ANO10: variants seen among roughly 807,000 people sequenced by gnomAD.
ANO10 encodes anoctamin 10.
Under a neutral mutation model 74.7 loss-of-function variants are expected in ANO10, and 77 were observed. The ratio of observed to expected loss-of-function variants is 1.03; its 90% CI spans 0.86 to 1.25. ANO10 has a LOEUF of 1.25. ANO10 is among the 50% of genes most tolerant of loss of function. ANO10 has a pLI of 0.00. For synonymous variants in ANO10, 279 were observed against 284.9 expected, an observed-to-expected ratio of 0.98 and a Z score of 0.21; for missense variants, 721 against 778.1, an observed-to-expected ratio of 0.93 and a Z score of 0.87.
chr3:43,377,266 T>A (rs550073439), intron 12 of ANO10, among the ~76,000 whole-genome samples: 220 of 152,100 alleles, frequency 1.4e-3, no homozygotes, highest in African/African-American at 3.4e-3. Flanking sequence ...TTTGCATATT[T>A]TGTAGAGATG....
intron 2 of ANO10, among the ~76,000 whole-genome samples, chr3:43,603,051 T>C (rs1356035302): frequency 6.6e-6 from 1 of 152,254 alleles, no homozygotes; most frequent in East Asian, 1.9e-4. Context: ...TAGGTGATTA[T>C]GACTACATGT....
chr3:43,466,392 C>CCAAA (rs1553677086), intron 11 of ANO10, among the ~76,000 whole-genome samples: 8 of 124,838 alleles, frequency 6.4e-5, no homozygotes, highest in Non-Finnish European at 9.6e-5. Flanking sequence ...AAAAAACAAA[C>CCAAA]AAAAAAACCA....
chr3:43,474,221 C>G (rs751663137), intron 11 of ANO10, among the ~76,000 whole-genome samples: 19 of 152,068 alleles, frequency 1.2e-4, no homozygotes, highest in African/African-American at 4.8e-5. Context: ...CCCGCCCCCC[C>G]CAACCCCAAT....
chr3:43,441,348 A>C (rs2093156849), intron 11 of ANO10, among the ~76,000 whole-genome samples: 1 of 152,072 alleles, frequency 6.6e-6, no homozygotes, highest in Non-Finnish European at 1.5e-5. Flanking sequence ...GAAACATTAC[A>C]ATCGATGCCA....
chr3:43,621,245 T>G (rs1189172301), intron 1 of ANO10, among the ~76,000 whole-genome samples: 3 of 152,148 alleles, frequency 2.0e-5, no homozygotes, highest in African/African-American at 7.2e-5. Flanking sequence ...AATCAGACGC[T>G]GCCTATAGGG....
intron 11 of ANO10, among the ~76,000 whole-genome samples, chr3:43,547,019 T>C (rs1283816566): frequency 2.0e-5 from 3 of 151,918 alleles, no homozygotes; most frequent in Non-Finnish European, 4.4e-5. Flanking sequence ...AAATTAAAGA[T>C]ACAGGGAAAA....
intron 11 of ANO10, chr3:43,472,383 A>ACCCTTAAAATTTTTAAAAT (rs1553680499): frequency 2.0e-5 from 3 of 151,498 alleles, no homozygotes; most frequent in Non-Finnish European, 2.9e-5. Flanking sequence ...TTTTTTAAAA[A>ACCCTTAAAATTTTTAAAAT]ACCCTTAAAA....
chr3:43,522,172 C>T (rs894739940), intron 11 of ANO10, among the ~76,000 whole-genome samples: 2 of 152,086 alleles, frequency 1.3e-5, no homozygotes, highest in East Asian at 1.9e-4. Context: ...TTGCCTGCTG[C>T]GTACAGAATT....
intron 12 of ANO10, among the ~76,000 whole-genome samples, chr3:43,419,723 C>A (rs2092792549): frequency 6.6e-6 from 1 of 152,002 alleles, no homozygotes; most frequent in Admixed American, 6.6e-5. Flanking sequence ...ACCATGTTGG[C>A]CAGGCTGGTC....
rs1327916241 is a variant in ANO10, at chr3:43,576,957, C to T, written c.897G>A (p.Gly299=). 3 of 1,613,860 alleles carry T rather than the reference C, an allele frequency of 1.9e-6. No homozygotes were observed. Among genetic ancestry groups the T allele is most frequent in the Non-Finnish European group, 2.5e-6 (3 of 1,179,886 alleles). ...HGVLGINSIT[G]KEEPLYPSYK... Reference sequence around the variant, plus strand: ...AGCTGGGGTACAGAGGCTCCTCCTTCCCAGTGATGGAATTGATACCCAAGA... The same window carrying T: ...AGCTGGGGTACAGAGGCTCCTCCTTTCCAGTGATGGAATTGATACCCAAGA... Residue 299 remains glycine, a synonymous_variant, in exon 6 of 13, where the codon GGG becomes GGA. Coordinates refer to ENST00000292246, the MANE Select transcript of ANO10 (RefSeq NM_018075.5).
Position 43,580,348 on chromosome 3 carries a change from C to T in ANO10, c.592+5G>A. The T allele has an allele frequency of 6.2e-7, 1 of 1,613,752 alleles. No homozygotes were observed. Among genetic ancestry groups the T allele is most frequent in the Non-Finnish European group, 8.5e-7 (1 of 1,179,804 alleles). On this transcript the variant is annotated splice_donor_5th_base_variant and intron_variant, in intron 5 of 12. Transcript: ENST00000292246. ...TTCTTTAAGAGAACAAGTACTGACA[C>T]ATACCTATGGGCTGATACTTCAAAG...
At chr3:43,686,894 T>C (rs1392592920) in intron 1 of ANO10, among the ~76,000 whole-genome samples, 2 of 152,024 alleles carry the variant, frequency 1.3e-5, no homozygotes, top group African/African-American at 4.8e-5. Flanking sequence ...TAGTTAGAAA[T>C]AGAGATCTCA....
chr3:43,579,543 C>A (rs531824151), intron 5 of ANO10, among the ~76,000 whole-genome samples: 1 of 152,226 alleles, frequency 6.6e-6, no homozygotes, highest in East Asian at 1.9e-4. Context: ...CATGGTGAAA[C>A]CCCATCTCTA....
At chr3:43,396,541 T>A (rs964982259) in intron 12 of ANO10, among the ~76,000 whole-genome samples, 7 of 152,088 alleles carry the variant, frequency 4.6e-5, no homozygotes, top group African/African-American at 1.4e-4. Flanking sequence ...GGTTTCACCA[T>A]GTTAGCCAGA....
chr3:43,682,803 C>T (rs1237463556), intron 1 of ANO10, among the ~76,000 whole-genome samples: 2 of 152,202 alleles, frequency 1.3e-5, no homozygotes, highest in East Asian at 3.8e-4. Context: ...CATAATCCAG[C>T]ATATAAACAG....
chr3:43,491,274 G>A (rs1158690464), intron 11 of ANO10, among the ~76,000 whole-genome samples: 1 of 152,178 alleles, frequency 6.6e-6, no homozygotes, highest in African/African-American at 2.4e-5. Context: ...AGCACTTTGG[G>A]AGGCTGAGGC....
intron 1 of ANO10, among the ~76,000 whole-genome samples, chr3:43,612,985 T>C (rs981360211): frequency 1.3e-5 from 2 of 152,098 alleles, no homozygotes; most frequent in African/African-American, 2.4e-5. Flanking sequence ...CTGGCCAACA[T>C]GGTGGAACCT....
At chr3:43,499,599 A>T (rs2077027644) in intron 11 of ANO10, among the ~76,000 whole-genome samples, 1 of 152,014 alleles carries the variant, frequency 6.6e-6, no homozygotes, top group Non-Finnish European at 1.5e-5. Context: ...TTCTTTCAAC[A>T]ATCTAGGATA....
intron 1 of ANO10, chr3:43,637,544 TAGA>T (rs2083627192): frequency 6.6e-6 from 1 of 150,870 alleles, no homozygotes; most frequent in East Asian, 1.9e-4. Flanking sequence ...GACCAAAATT[TAGA>T]AGAAGAATAA....
Sources: gnomAD v4.1 joint callset for allele counts (sites outside exome capture counted in the v4.1 genomes callset) on GRCh38, gnomAD v4.1.1 for gene constraint, MANE v1.5 for transcripts, NCBI Gene and HGNC (gene_info 2026-07-23, HGNC 2026-07-21) for gene names.